Variants in SCEL observed in about 807,000 individuals in gnomAD.
SCEL encodes sciellin.
In SCEL, 113 loss-of-function variants were observed where a neutral mutation model predicts 117.6. The ratio of observed to expected loss-of-function variants is 0.96; its 90% CI spans 0.83 to 1.12. The LOEUF is 1.12. SCEL is among the 50% of genes most tolerant of loss of function. The pLI is 0.00. For missense variants in SCEL, 785 were observed against 810.8 expected (o/e 0.97, Z 0.39); for synonymous variants, 270 against 256.2 (o/e 1.05, Z -0.51).
chr13:77,578,785 G>A (rs2086102306), intron 9 of SCEL, among the ~76,000 whole-genome samples: 1 of 152,172 alleles, frequency 6.6e-6, no homozygotes, highest in Non-Finnish European at 1.5e-5. Context: ...TTTTGAGCAG[G>A]TAGAGTCTGG....
At chr13:77,538,256 ACACG>A (rs2083515254) in intron 1 of SCEL, among the ~76,000 whole-genome samples, 1 of 151,668 alleles carries the variant, frequency 6.6e-6, no homozygotes, top group Non-Finnish European at 1.5e-5. Context: ...AGCTGGGAGT[ACACG>A]TGTGCACCAC....
At chr13:77,591,870 G>T (rs1280207114) in intron 11 of SCEL, among the ~76,000 whole-genome samples, 1 of 152,118 alleles carries the variant, frequency 6.6e-6, no homozygotes, top group South Asian at 2.1e-4. Context: ...GATGCCATTT[G>T]TTAAGGGACA....
intron 4 of SCEL, 147 bp from the exon 5 acceptor site, chr13:77,563,684 G>C (rs561606163): frequency 1.8e-6 from 1 of 549,922 alleles, no homozygotes; most frequent in East Asian, 3.1e-5. Context: ...TGGAAGATTT[G>C]GGTATTAGAA....
intron 1 of SCEL, among the ~76,000 whole-genome samples, chr13:77,543,999 C>T (rs1358562319): frequency 6.6e-6 from 1 of 152,150 alleles, no homozygotes; most frequent in Non-Finnish European, 1.5e-5. Context: ...ATTTCCAACT[C>T]CTGCCCTATC....
chr13:77,616,723 T>G (rs1433548878), intron 24 of SCEL, among the ~76,000 whole-genome samples: 1 of 149,890 alleles, frequency 6.7e-6, no homozygotes. Context: ...GACGCTCTTT[T>G]GGTCCCTAAA....
At chr13:77,633,505 A>G (rs1055643910) in intron 28 of SCEL, among the ~76,000 whole-genome samples, 1 of 150,670 alleles carries the variant, frequency 6.6e-6, no homozygotes, top group Admixed American at 6.6e-5. Context: ...ATTGTAAAAT[A>G]ATGTTAATTG....
At chr13:77,629,342 G>A (rs2089922373) in intron 28 of SCEL, among the ~76,000 whole-genome samples, 1 of 151,462 alleles carries the variant, frequency 6.6e-6, no homozygotes, top group Admixed American at 6.6e-5. Context: ...GTACCTGTTG[G>A]CTTCCTTATT....
At position 77,591,420 on chromosome 13, in the gene SCEL, G is replaced by A; in HGVS notation, c.652G>A (p.Val218Ile). 6.3e-7 allele frequency: 1 copy of A among 1,588,734 alleles called. No individual in the cohort carries two copies. Among genetic ancestry groups the A allele is most frequent in the Non-Finnish European group, 8.6e-7 (1 of 1,158,256 alleles). ...GCAGATACATCCACCTAAACCAGGT[G>A]TATATACAGAAACCAACAGATCTGC... ...NRQIHPPKPG[V>I]YTETNRSAER... The change falls in exon 11 of 33, where the codon GTA (valine) becomes ATA (isoleucine). Residue 218 changes from valine to isoleucine, a missense_variant. Transcript: ENST00000349847.
At position 77,538,228 on chromosome 13, in the gene SCEL, T is replaced by G. The variant is rs1049122813; in HGVS notation, c.-20+2404T>G. Among the ~76,000 whole-genome samples the G allele has an allele frequency of 2.0e-5, 3 of 151,670 alleles. No individual in the cohort carries two copies. In the East Asian group the frequency reaches 5.8e-4, roughly 29 times the overall value. ...GCCTCCCATGTTCCAGCGATTCTCC[T>G]GCCTCAGCTTCCTGAGTAGCTGGGA... On this transcript the variant is annotated intron_variant, in intron 1 of 32. Transcript: ENST00000349847.
intron 14 of SCEL, 38 bp downstream of exon 14, chr13:77,599,426 G>T (rs1464642518): frequency 6.5e-7 from 1 of 1,538,494 alleles, no homozygotes; most frequent in Admixed American, 1.7e-5. Flanking sequence ...ATCTTACCTT[G>T]CAGATTGCTC....
chr13:77,561,122 C>T (rs929026203), intron 4 of SCEL, among the ~76,000 whole-genome samples: 1 of 152,182 alleles, frequency 6.6e-6, no homozygotes, highest in African/African-American at 2.4e-5. Flanking sequence ...AGATCACAGC[C>T]TGGTTCTCAG....
chr13:77,546,001 C>G (rs150965497), intron 1 of SCEL, among the ~76,000 whole-genome samples: 1 of 152,198 alleles, frequency 6.6e-6, no homozygotes, highest in East Asian at 1.9e-4. Context: ...TCTCAGTTAG[C>G]TTGATCAATG....
intron 1 of SCEL, among the ~76,000 whole-genome samples, chr13:77,550,388 A>ATATATATATATATATATATATAT (rs2084242192): frequency 3.8e-3 from 3 of 790 alleles, no homozygotes; most frequent in African/African-American, 5.2e-3. Context: ...TTTGTCTAAA[A>ATATATATATATATATATATATAT]TATATATATA....
chr13:77,573,453 T>C (rs1400402045), intron 9 of SCEL, among the ~76,000 whole-genome samples: 1 of 152,196 alleles, frequency 6.6e-6, no homozygotes, highest in East Asian at 1.9e-4. Context: ...ATTAGATTGG[T>C]TTATTTTATA....
chr13:77,637,310 A>T (rs1475181708), intron 30 of SCEL, 116 bp downstream of exon 30: 4 of 53,668 alleles, frequency 7.5e-5, no homozygotes, highest in Non-Finnish European at 1.4e-4. Flanking sequence ...ATATATATAC[A>T]TATATATAAA....
intron 9 of SCEL, among the ~76,000 whole-genome samples, chr13:77,576,180 A>T (rs1357932395): frequency 6.6e-6 from 1 of 152,102 alleles, no homozygotes; most frequent in Non-Finnish European, 1.5e-5. Context: ...CCATTAGTTC[A>T]TGGAAACAGC....
intron 5 of SCEL, among the ~76,000 whole-genome samples, chr13:77,564,471 G>C (rs1346546354): frequency 9.9e-5 from 15 of 152,036 alleles, no homozygotes; most frequent in Admixed American, 9.8e-4. Flanking sequence ...GGAGGGAAAG[G>C]GCTCATCTCT....
chr13:77,580,273 T>C (rs1440428098), intron 9 of SCEL, among the ~76,000 whole-genome samples: 1 of 152,222 alleles, frequency 6.6e-6, no homozygotes, highest in Admixed American at 6.5e-5. Context: ...ACTTCTTTTG[T>C]TTTATGATCT....
rs1244489784 is a variant in SCEL at position 77,589,053 on chromosome 13, T to C, written c.546-91T>C. 11 of 922,948 alleles carry C rather than the reference T, an allele frequency of 1.2e-5. No homozygotes were observed. In the African/African-American group the frequency reaches 1.7e-4, roughly 14 times the overall value. 57.2% of individuals were successfully genotyped at this position (922,948 alleles called of 1,614,324 possible). A position where few individuals can be genotyped will look rare whatever the true frequency, so the allele number is the denominator to read the frequency against. ...GGGGGTTGTAAGATGCAAAGGATAT[T>C]TTTATGTAGGCAATAAATGCATTCA... On this transcript the variant is annotated intron_variant, in intron 9 of 32. Transcript: ENST00000349847.
Sources: gnomAD v4.1 joint callset for allele counts (sites outside exome capture counted in the v4.1 genomes callset) on GRCh38, gnomAD v4.1.1 for gene constraint, MANE v1.5 for transcripts, NCBI Gene and HGNC (gene_info 2026-07-23, HGNC 2026-07-21) for gene names.